The following CDH23 variants were observed in gnomAD, a reference collection of about 807,000 sequenced individuals.
The protein encoded by CDH23 is cadherin-23.
CDH23 carries 189 observed loss-of-function variants against 317.1 expected under a neutral mutation model. The ratio of observed to expected loss-of-function variants is 0.60; its 90% CI spans 0.53 to 0.67. The LOEUF is 0.67. CDH23 is among the 30% of genes least tolerant of loss of function. The probability of loss-of-function intolerance (pLI) is 0.00; values close to 1 mark genes in which losing one functional copy is unlikely to be tolerated. For missense variants in CDH23, 4,401 were observed against 4,592.4 expected (o/e 0.96, Z 1.20); for synonymous variants, 1,839 against 1,876.8 (o/e 0.98, Z 0.52).
rs563078179 is a variant in CDH23, at chr10:71,522,064, C to T, written c.429+10852C>T. 9.4e-4 allele frequency among the ~76,000 whole-genome samples: 143 copies of T among 152,190 alleles called. 1 individual carries two copies. Among genetic ancestry groups the T allele is most frequent in the African/African-American group, 3.3e-3 (135 of 41,524 alleles). On this transcript the variant is annotated intron_variant, in intron 6 of 69. Coordinates refer to ENST00000224721, the MANE Select transcript of CDH23 (RefSeq NM_022124.6). The stretch of plus-strand genomic sequence containing the variant: ...CCATGCTGTCTGGAGCTTAAAGCCT[C>T]ATGCCAGTGGCATGAGTTAATTCCT...
At chr10:71,445,464 T>G (rs544993254) in intron 2 of CDH23, among the ~76,000 whole-genome samples, 1 of 152,322 alleles carries the variant, frequency 6.6e-6, no homozygotes, top group Non-Finnish European at 1.5e-5. Context: ...GCAGAGCTCA[T>G]ATTCTGCTAG....
intron 9 of CDH23, among the ~76,000 whole-genome samples, chr10:71,580,843 C>T (rs1858575700): frequency 6.6e-6 from 1 of 152,048 alleles, no homozygotes; most frequent in Non-Finnish European, 1.5e-5. Context: ...AACAGGGCTG[C>T]CCCCACCCCC....
chr10:71,688,856 G>A (rs1343868307), intron 19 of CDH23, among the ~76,000 whole-genome samples: 1 of 124,572 alleles, frequency 8.0e-6, no homozygotes, highest in African/African-American at 2.9e-5. Context: ...TGGAGTCAGG[G>A]GTGGTGGAGT....
intron 6 of CDH23, among the ~76,000 whole-genome samples, chr10:71,539,243 C>T (rs750798088): frequency 6.6e-6 from 1 of 152,216 alleles, no homozygotes; most frequent in African/African-American, 2.4e-5. Context: ...AGAGTGAGCA[C>T]CCTGGCTTAT....
chr10:71,700,931 G>T (rs1370579164), intron 22 of CDH23, among the ~76,000 whole-genome samples: 3 of 152,174 alleles, frequency 2.0e-5, no homozygotes, highest in African/African-American at 7.2e-5. Context: ...AGCACAAAAG[G>T]CTCCACATCA....
chr10:71,600,514 C>CTTTT (rs538778849), intron 9 of CDH23, among the ~76,000 whole-genome samples: 4 of 125,210 alleles, frequency 3.2e-5, no homozygotes, highest in African/African-American at 6.1e-5. Context: ...GACCGCAGAA[C>CTTTT]TTTTTTTTTT....
chr10:71,485,865 T>A (rs1456715796), intron 3 of CDH23, among the ~76,000 whole-genome samples: 1 of 152,226 alleles, frequency 6.6e-6, no homozygotes, highest in African/African-American at 2.4e-5. Context: ...TCCAGGCGTC[T>A]CAGTCTGAGA....
chr10:71,811,830 G>C, intron 65 of CDH23, 77 bp downstream of exon 65: 1 of 1,570,982 alleles, frequency 6.4e-7, no homozygotes, highest in Non-Finnish European at 8.6e-7. Context: ...GGAGCCACAA[G>C]CCTGGCTCAG....
At chr10:71,414,330 G>A (rs189926966) in intron 1 of CDH23, among the ~76,000 whole-genome samples, 8 of 152,182 alleles carry the variant, frequency 5.3e-5, no homozygotes, top group Admixed American at 5.2e-4. Context: ...TTCCATTTAT[G>A]GCCACTTTTG....
intron 6 of CDH23, among the ~76,000 whole-genome samples, chr10:71,554,846 G>A (rs1856792280): frequency 6.6e-6 from 1 of 152,098 alleles, no homozygotes; most frequent in Non-Finnish European, 1.5e-5. Flanking sequence ...TTTCCTGGAT[G>A]GAAACACTGA....
chr10:71,658,321 A>G (rs1589303949), intron 14 of CDH23, among the ~76,000 whole-genome samples: 1 of 152,182 alleles, frequency 6.6e-6, no homozygotes. Flanking sequence ...AGAACATAGC[A>G]GGCTGTCGCC....
chr10:71,621,634 T>C (rs1345066930), intron 11 of CDH23, among the ~76,000 whole-genome samples: 5 of 152,192 alleles, frequency 3.3e-5, no homozygotes, highest in Non-Finnish European at 2.9e-5. Flanking sequence ...TGCGGGGCAG[T>C]CGAGGGAGCT....
At chr10:71,596,315 C>T (rs1589247440) in intron 9 of CDH23, among the ~76,000 whole-genome samples, 1 of 152,122 alleles carries the variant, frequency 6.6e-6, no homozygotes, top group Non-Finnish European at 1.5e-5. Context: ...AATTGAGGCT[C>T]AGAAAGGTAA....
At chr10:71,716,151 C>A in intron 28 of CDH23, 1 of 1,550,446 alleles carries the variant, frequency 6.4e-7, no homozygotes, top group Non-Finnish European at 8.7e-7. Flanking sequence ...GGGTCCAGCG[C>A]GGCCGGCTTG....
chr10:71,765,537 C>T (rs74145638), intron 38 of CDH23, among the ~76,000 whole-genome samples: 4,067 of 152,294 alleles, frequency 0.027, 198 homozygotes, highest in African/African-American at 0.092. Flanking sequence ...GGCTGGGAGC[C>T]CTCAGGGTCT....
In CDH23 at chr10:71,532,593, G is replaced by T. The variant is rs1266688580; in HGVS notation, c.429+21381G>T. ...AGGTCCACTTTTAACTCCCTCTGGG[G>T]CTGGATGGAGACTCAGGCAACCTGA... On this transcript the variant is annotated intron_variant, in intron 6 of 69. Coordinates refer to ENST00000224721, the MANE Select transcript of CDH23 (RefSeq NM_022124.6). Among the ~76,000 whole-genome samples the T allele has an allele frequency of 2.0e-5, 3 of 152,164 alleles. No homozygotes were observed. In the East Asian group the frequency reaches 5.8e-4, roughly 29 times the overall value.
At chr10:71,607,844 A>C (rs1428560973) in intron 9 of CDH23, among the ~76,000 whole-genome samples, 1 of 152,216 alleles carries the variant, frequency 6.6e-6, no homozygotes, top group African/African-American at 2.4e-5. Context: ...TTAAGTCTGC[A>C]GTGAGCTGTG....
chr10:71,803,329 C>T lies in CDH23; in HGVS notation c.7781C>T (p.Thr2594Ile), dbSNP rs750701335. ...TDGGEPPLWG[T>I]TMLLVEVIDV... ...GGTGGAGAGCCCCCACTCTGGGGCA[C>T]CACCATGCTCCTGGTGGAGGTCATC... Residue 2594 changes from threonine to isoleucine, a missense_variant, in exon 55 of 70, where the codon ACC becomes ATC. Thr to Ile is a moderately conservative substitution (Grantham distance 89, BLOSUM62 -1). Coordinates refer to ENST00000224721, the MANE Select transcript of CDH23 (RefSeq NM_022124.6). 6.3e-7 allele frequency: 1 copy of T among 1,595,180 alleles called. No individual in the cohort carries two copies.
rs2132971334 is a variant in CDH23, at chr10:71,800,639, G to A, written c.7366G>A (p.Asp2456Asn). Reference protein sequence around the residue: ...SKFAINPTTGDIYVLSSLDRE... With the variant: ...SKFAINPTTGNIYVLSSLDRE... The stretch of plus-strand genomic sequence containing the variant: ...AAAGCCACCCTCCCCCTACTAGGGT[G>A]ACATCTATGTGCTGTCTTCTCTGGA... The change falls in exon 53 of 70, where the codon GAC (aspartate) becomes AAC (asparagine). Residue 2456 changes from aspartate to asparagine, a missense_variant. Transcript: ENST00000224721. 1.2e-6 allele frequency: 2 copies of A among 1,613,912 alleles called. No homozygotes were observed. The highest frequency in any genetic ancestry group is 2.2e-5 in the South Asian group (2 of 91,044).
Sources: allele counts gnomAD v4.1 joint callset (sites outside exome capture counted in the v4.1 genomes callset), GRCh38; gene constraint gnomAD v4.1.1; transcripts MANE v1.5; gene names NCBI Gene and HGNC (gene_info 2026-07-23, HGNC 2026-07-21).